Variants in KLHL3 observed in about 807,000 individuals in gnomAD.
KLHL3 encodes the protein kelch like family member 3, also known as kelch-like protein 3.
A neutral mutation model predicts 70.5 loss-of-function variants in KLHL3; 19 were observed. The observed-to-expected ratio is 0.27, with a 90% confidence interval of 0.19 to 0.40. The LOEUF (loss-of-function observed/expected upper bound fraction) is 0.40, where lower values mean the gene tolerates loss of function less well. Among genes scored for constraint, KLHL3 ranks in the 10% least tolerant of loss-of-function variants. KLHL3 has a pLI of 1.00. For missense variants in KLHL3, 512 were observed against 771.1 expected (o/e 0.66, Z 3.98); for synonymous variants, 258 against 290.3 (o/e 0.89, Z 1.13).
At chr5:137,705,991 C>T in intron 3 of KLHL3, 3 of 985,234 alleles carry the variant, frequency 3.0e-6, no homozygotes, top group Non-Finnish European at 3.6e-6. Flanking sequence ...TGACTGCTCA[C>T]CCCAGATCTT....
chr5:137,702,984 A>G (rs1420507642), intron 3 of KLHL3, among the ~76,000 whole-genome samples: 1 of 152,222 alleles, frequency 6.6e-6, no homozygotes, highest in Non-Finnish European at 1.5e-5. Flanking sequence ...GGACTGGAGG[A>G]GGGAAAGGAA....
At chr5:137,668,087 G>A (rs1189379838) in intron 6 of KLHL3, among the ~76,000 whole-genome samples, 1 of 152,124 alleles carries the variant, frequency 6.6e-6, no homozygotes, top group Non-Finnish European at 1.5e-5. Flanking sequence ...TATGCAATTT[G>A]CATCTCAGAG....
chr5:137,657,704 G>A (rs1751376611), intron 8 of KLHL3, among the ~76,000 whole-genome samples: 1 of 152,092 alleles, frequency 6.6e-6, no homozygotes, highest in Non-Finnish European at 1.5e-5. Flanking sequence ...TGTCCTTTAT[G>A]TCCTTCCCTG....
chr5:137,677,704 C>T (rs770909167), intron 5 of KLHL3, 50 bp from the exon 6 acceptor site: 14 of 1,144,020 alleles, frequency 1.2e-5, no homozygotes, highest in Middle Eastern at 5.5e-4. Context: ...TTGTAACACA[C>T]TTCTGCCCTT....
intron 3 of KLHL3, among the ~76,000 whole-genome samples, chr5:137,704,252 G>A (rs1301724190): frequency 1.3e-5 from 2 of 152,092 alleles, no homozygotes; most frequent in Admixed American, 6.5e-5. Flanking sequence ...GGGCGCGGTG[G>A]CGGGCGCCTG....
chr5:137,726,161 G>C (rs1753081890), intron 1 of KLHL3, among the ~76,000 whole-genome samples: 1 of 152,130 alleles, frequency 6.6e-6, no homozygotes, highest in Non-Finnish European at 1.5e-5. Flanking sequence ...GGGGCTGTGA[G>C]GTTTATGAGC....
At chr5:137,684,879 C>A (rs1752125618) in intron 5 of KLHL3, among the ~76,000 whole-genome samples, 1 of 152,218 alleles carries the variant, frequency 6.6e-6, no homozygotes, top group Non-Finnish European at 1.5e-5. Flanking sequence ...ACCCTCCCTA[C>A]CCCAGAATAA....
chr5:137,704,780 G>A (rs1269655715), intron 3 of KLHL3, among the ~76,000 whole-genome samples: 1 of 152,178 alleles, frequency 6.6e-6, no homozygotes. Context: ...TCTGCATCAA[G>A]GGTAACATTA....
At chr5:137,680,776 T>A (rs985138628) in intron 5 of KLHL3, among the ~76,000 whole-genome samples, 1 of 152,124 alleles carries the variant, frequency 6.6e-6, no homozygotes, top group Admixed American at 6.5e-5. Context: ...ACTCCTGACC[T>A]CAGATGATCC....
chr5:137,696,634 G>A (rs1434999176), intron 4 of KLHL3, among the ~76,000 whole-genome samples: 3 of 152,138 alleles, frequency 2.0e-5, no homozygotes, highest in African/African-American at 4.8e-5. Context: ...TTCATTTCAT[G>A]AGAAACTAGA....
At chr5:137,729,811 G>T (rs907690486) in intron 1 of KLHL3, among the ~76,000 whole-genome samples, 1 of 152,028 alleles carries the variant, frequency 6.6e-6, no homozygotes, top group African/African-American at 2.4e-5. Flanking sequence ...TTCTACTTCT[G>T]GATTAATGAA....
At chr5:137,668,346 C>T (rs1561598411) in intron 6 of KLHL3, among the ~76,000 whole-genome samples, 2 of 152,014 alleles carry the variant, frequency 1.3e-5, no homozygotes, top group South Asian at 2.1e-4. Context: ...AGGAGGCGGA[C>T]GTTGCAGTGA....
intron 13 of KLHL3, among the ~76,000 whole-genome samples, chr5:137,626,168 A>T (rs1259805514): frequency 6.6e-6 from 1 of 152,176 alleles, no homozygotes; most frequent in African/African-American, 2.4e-5. Context: ...CGCCACACAC[A>T]TACCTATACT....
Position 137,658,278 on chromosome 5 carries a change from C to T in KLHL3, c.756G>A (p.Thr252=), listed in dbSNP as rs143617205. Residue 252 remains threonine, a splice_region_variant and synonymous_variant, in exon 8 of 15, where the codon ACG becomes ACA. Transcript: ENST00000309755. The part of the protein sequence containing the change: ...PLLPRDYLVQ[T]VEEEALIKNN... ...TCTTTATCAAAGCTTCTTCTTCAAC[C>T]GTCTAGAGGTAATAATCCACAGATG... The T allele has an allele frequency of 2.7e-4, 435 of 1,613,788 alleles. No homozygotes were observed. The highest frequency in any genetic ancestry group is 3.5e-4 in the Non-Finnish European group (411 of 1,179,876).
At position 137,720,349 on chromosome 5, in the gene KLHL3, G is replaced by A. The variant is rs557451771; in HGVS notation, c.134+116C>T. The A allele has an allele frequency of 3.3e-5, 40 of 1,223,830 alleles. 1 individual carries two copies. In the South Asian group the frequency reaches 5.4e-4, roughly 16 times the overall value. 75.8% of individuals were successfully genotyped at this position (1,223,830 alleles called of 1,614,324 possible). ...AAGGGGAACTCAAGTGACTAAGAAT[G>A]GATGGAAAGAGTCAGAATTCCCTAG... On this transcript the variant is annotated intron_variant, in intron 2 of 14. Coordinates refer to ENST00000309755, the MANE Select transcript of KLHL3 (RefSeq NM_017415.3).
Position 137,711,068 on chromosome 5 carries a change from T to C in KLHL3, c.135-1212A>G, listed in dbSNP as rs570764809. On this transcript the variant is annotated intron_variant, in intron 2 of 14. Transcript: ENST00000309755. ...TTCAACTGTGAGCCAATGGTAGTGG[T>C]TACTTGGCACACTACCCTGGTTTGA... Among the ~76,000 whole-genome samples the C allele has an allele frequency of 9.2e-5, 14 of 152,282 alleles. No homozygotes were observed. The East Asian group carries it at 2.3e-3, about 25-fold the overall frequency.
In KLHL3 at chr5:137,628,437, C is replaced by A. The variant is rs1750538894; in HGVS notation, c.1451G>T (p.Gly484Val). 6.2e-7 allele frequency: 1 copy of A among 1,614,036 alleles called. No individual in the cohort carries two copies. Among genetic ancestry groups the A allele is most frequent in the South Asian group, 1.1e-5 (1 of 91,084 alleles). The change falls in exon 13 of 15, where the codon GGG becomes GTG. Residue 484 changes from glycine to valine, a missense_variant and splice_region_variant. Transcript: ENST00000309755. The part of the protein sequence containing the change: ...ADMSTRRSGA[G>V]VGVLSGQLYA... Reference sequence around the variant, plus strand: ...CAGCTGTCCGCTAAGCACTCCAACCCCTGAAAGGCAGAGCACAGCATCCCA... The same window carrying A: ...CAGCTGTCCGCTAAGCACTCCAACCACTGAAAGGCAGAGCACAGCATCCCA...
At chr5:137,631,690 C>G (rs906651997) in intron 12 of KLHL3, among the ~76,000 whole-genome samples, 4 of 152,220 alleles carry the variant, frequency 2.6e-5, no homozygotes, top group African/African-American at 9.6e-5. Context: ...ATTGTATCCA[C>G]CTCGTAGGGC....
At chr5:137,636,883 A>G (rs1156463180) in intron 11 of KLHL3, among the ~76,000 whole-genome samples, 1 of 152,208 alleles carries the variant, frequency 6.6e-6, no homozygotes, top group Non-Finnish European at 1.5e-5. Context: ...CAGTTCTGTT[A>G]ATGTTCAACA....
Sources: gnomAD v4.1 joint callset for allele counts (sites outside exome capture counted in the v4.1 genomes callset) on GRCh38, gnomAD v4.1.1 for gene constraint, MANE v1.5 for transcripts, NCBI Gene and HGNC (gene_info 2026-07-23, HGNC 2026-07-21) for gene names.